MFAP3L: variants seen among roughly 807,000 people sequenced by gnomAD.
The protein encoded by MFAP3L is microfibrillar-associated protein 3-like.
MFAP3L carries 5 observed loss-of-function variants against 20.0 expected under a neutral mutation model. The observed-to-expected ratio is 0.25, with a 90% confidence interval of 0.13 to 0.53. The LOEUF is 0.53. Ranked by LOEUF, MFAP3L falls within the 20% of genes least tolerant of loss-of-function variation. The pLI is 0.96. For missense variants in MFAP3L, 409 were observed against 527.5 expected, an observed-to-expected ratio of 0.78 and a Z score of 2.20; for synonymous variants, 219 against 213.0, an observed-to-expected ratio of 1.03 and a Z score of -0.25.
intron 1 of MFAP3L, among the ~76,000 whole-genome samples, chr4:170,019,162 C>T (rs1201662570): frequency 2.0e-5 from 3 of 152,314 alleles, no homozygotes; most frequent in Admixed American, 2.0e-4. Context: ...GGGCGTCTGG[C>T]CTTTGGAGAA....
At chr4:170,021,770 A>G (rs931742492) in intron 1 of MFAP3L, among the ~76,000 whole-genome samples, 6 of 152,240 alleles carry the variant, frequency 3.9e-5, no homozygotes, top group Non-Finnish European at 8.8e-5. Context: ...CTAAATGAAT[A>G]TGTTTGAAAA....
chr4:170,005,487 T>A (rs1426949978), intron 2 of MFAP3L, 93 bp downstream of exon 2: 1 of 1,329,726 alleles, frequency 7.5e-7, no homozygotes, highest in African/African-American at 1.5e-5. Flanking sequence ...GATCTTTAAA[T>A]CATTTGCATG....
At chr4:170,022,016 A>G (rs566697982) in intron 1 of MFAP3L, among the ~76,000 whole-genome samples, 55 of 152,314 alleles carry the variant, frequency 3.6e-4, no homozygotes, top group African/African-American at 1.2e-3. Flanking sequence ...TAATTATGTT[A>G]AATTTTAGCT....
At chr4:170,026,467 C>T (rs952118363), upstream of MFAP3L, 7 of 204,846 alleles carry the variant, frequency 3.4e-5, no homozygotes, top group Non-Finnish European at 6.0e-5. Flanking sequence ...GTGCGGCTCG[C>T]CGGGCGGCGC....
At chr4:169,994,592 A>G in intron 2 of MFAP3L, 1 of 950,810 alleles carries the variant, frequency 1.1e-6, no homozygotes, top group Non-Finnish European at 1.3e-6. Context: ...GTGTATTGAT[A>G]TGTATTTCTC....
chr4:170,026,241 C>T lies in MFAP3L; in HGVS notation c.-141G>A. The T allele has an allele frequency of 1.0e-6, 1 of 984,698 alleles. No individual in the cohort carries two copies. Among genetic ancestry groups the T allele is most frequent in the Non-Finnish European group, 1.2e-6 (1 of 829,736 alleles). The allele number at this position is 984,698 out of a possible 1,614,324, so 61.0% of individuals were successfully genotyped here. A position where few individuals can be genotyped will look rare whatever the true frequency, so the allele number is the denominator to read the frequency against. ...CCGGGGGCCCCCGCTAACCTGACAC[C>T]GCCGCGCCACTCAGGTGGCCGCCGT... On this transcript the variant is annotated 5_prime_UTR_variant, in exon 1 of 3. Coordinates refer to ENST00000361618, the MANE Select transcript of MFAP3L (RefSeq NM_021647.8).
chr4:170,017,529 C>T (rs1211212072), intron 1 of MFAP3L, among the ~76,000 whole-genome samples: 1 of 152,200 alleles, frequency 6.6e-6, no homozygotes. Flanking sequence ...CAGGAAAAGT[C>T]CCTTGCAGAG....
intron 2 of MFAP3L, among the ~76,000 whole-genome samples, chr4:170,003,313 G>A (rs538785745): frequency 2.9e-3 from 443 of 152,226 alleles, no homozygotes; most frequent in Non-Finnish European, 4.7e-3. Flanking sequence ...CTTTTGACTG[G>A]CGGCCACTAG....
intron 2 of MFAP3L, among the ~76,000 whole-genome samples, chr4:169,998,877 T>C (rs1326161247): frequency 1.3e-5 from 2 of 152,232 alleles, no homozygotes; most frequent in Non-Finnish European, 2.9e-5. Flanking sequence ...TAAATGTTTA[T>C]GCAAACAATA....
intron 1 of MFAP3L, among the ~76,000 whole-genome samples, chr4:170,017,290 G>A (rs1443803661): frequency 4.6e-5 from 7 of 152,028 alleles, no homozygotes; most frequent in East Asian, 1.9e-4. Context: ...ACTGGATCTC[G>A]GTGAAAAACA....
chr4:170,021,683 GAC>G (rs774717462), intron 1 of MFAP3L, among the ~76,000 whole-genome samples: 1 of 152,126 alleles, frequency 6.6e-6, no homozygotes, highest in Non-Finnish European at 1.5e-5. Flanking sequence ...AGGTTTTCTG[GAC>G]ACAGAGATGT....
At chr4:169,993,901 G>A (rs1043387523) in intron 2 of MFAP3L, 3 of 152,766 alleles carry the variant, frequency 2.0e-5, no homozygotes, top group African/African-American at 4.8e-5. Flanking sequence ...AACCTACTCG[G>A]TCTGTGAAAT....
At chr4:170,025,676 G>A (rs1560995879) in intron 1 of MFAP3L, among the ~76,000 whole-genome samples, 1 of 152,176 alleles carries the variant, frequency 6.6e-6, no homozygotes, top group Non-Finnish European at 1.5e-5. Flanking sequence ...TTGTTATGGA[G>A]TCAAATGCGA....
intron 2 of MFAP3L, chr4:170,003,886 A>T (rs1340362259): frequency 3.1e-6 from 3 of 978,878 alleles, no homozygotes; most frequent in Non-Finnish European, 3.6e-6. Flanking sequence ...TGGCTGTAGG[A>T]ACCAAAACCA....
intron 1 of MFAP3L, among the ~76,000 whole-genome samples, chr4:170,016,753 G>A (rs1294487585): frequency 2.6e-5 from 4 of 152,222 alleles, no homozygotes; most frequent in South Asian, 2.1e-4. Flanking sequence ...GCTCGCCTTT[G>A]GTACAAATTC....
At chr4:170,023,218 G>A (rs2111083497) in intron 1 of MFAP3L, among the ~76,000 whole-genome samples, 1 of 152,106 alleles carries the variant, frequency 6.6e-6, no homozygotes, top group African/African-American at 2.4e-5. Flanking sequence ...TCCCTCTCTG[G>A]AGCACTCATC....
At position 170,005,794 on chromosome 4, in the gene MFAP3L, A is replaced by C. The variant is rs576708271; in HGVS notation, c.84T>G (p.Ala28=). The C allele has an allele frequency of 6.2e-7, 1 of 1,614,208 alleles. No individual in the cohort carries two copies. Among genetic ancestry groups the C allele is most frequent in the South Asian group, 1.1e-5 (1 of 91,078 alleles). The change falls in exon 2 of 3, where the codon GCT becomes GCG. Residue 28 remains alanine (A), a synonymous_variant. Coordinates refer to ENST00000361618, the MANE Select transcript of MFAP3L (RefSeq NM_021647.8). ...FLILVSTLAT[A]KSVTNSTLNG... ...TTAAAGTGCTGTTAGTCACACTCTTAGCGGTGGCTAGAGTGGATACTAGGA... is the reference window on the plus strand; with the variant it reads ...TTAAAGTGCTGTTAGTCACACTCTTCGCGGTGGCTAGAGTGGATACTAGGA...
At chr4:170,007,291 A>G (rs1739100130) in intron 1 of MFAP3L, among the ~76,000 whole-genome samples, 1 of 152,218 alleles carries the variant, frequency 6.6e-6, no homozygotes, top group Non-Finnish European at 1.5e-5. Flanking sequence ...CACAGACTGC[A>G]ATGGCATGAT....
chr4:170,007,583 T>C (rs1381309214), intron 1 of MFAP3L, among the ~76,000 whole-genome samples: 1 of 152,228 alleles, frequency 6.6e-6, no homozygotes, highest in Non-Finnish European at 1.5e-5. Context: ...GTATAAAGCA[T>C]CCTTTATTGA....
Sources: gnomAD v4.1 joint callset for allele counts (sites outside exome capture counted in the v4.1 genomes callset) on GRCh38, gnomAD v4.1.1 for gene constraint, MANE v1.5 for transcripts, NCBI Gene and HGNC (gene_info 2026-07-23, HGNC 2026-07-21) for gene names.